PACRG: variants seen among roughly 807,000 people sequenced by gnomAD.
PACRG encodes parkin coregulated, also known as parkin coregulated gene protein.
In PACRG, 29 loss-of-function variants were observed where a neutral mutation model predicts 29.7. That is an observed-to-expected ratio of 0.98 (90% CI 0.73 to 1.33). The LOEUF (loss-of-function observed/expected upper bound fraction) is 1.33. Among genes scored for constraint, PACRG ranks in the 40% most tolerant of loss-of-function variants. The pLI, the probability that PACRG is intolerant of heterozygous loss-of-function variation, is 0.00. For synonymous variants in PACRG, 116 were observed against 118.7 expected, an observed-to-expected ratio of 0.98 and a Z score of 0.15; for missense variants, 279 against 316.2, an observed-to-expected ratio of 0.88 and a Z score of 0.89.
intron 4 of PACRG, among the ~76,000 whole-genome samples, chr6:163,185,456 G>T (rs1371662004): frequency 6.6e-6 from 1 of 152,076 alleles, no homozygotes; most frequent in Non-Finnish European, 1.5e-5. Context: ...AAATTAACAG[G>T]ACTTAAAGAT....
chr6:163,163,923 A>AC (rs35408111), intron 4 of PACRG, among the ~76,000 whole-genome samples: 14,906 of 152,156 alleles, frequency 0.098, 1,258 homozygotes, highest in East Asian at 0.47. Flanking sequence ...AATATATTTT[A>AC]CAGATAAATA....
intron 2 of PACRG, among the ~76,000 whole-genome samples, chr6:162,832,889 T>C (rs1422928575): frequency 6.6e-6 from 1 of 152,068 alleles, no homozygotes; most frequent in Non-Finnish European, 1.5e-5. Context: ...GATGTCTTCC[T>C]TTCTACTCAA....
intron 2 of PACRG, among the ~76,000 whole-genome samples, chr6:162,941,865 A>G (rs1208376259): frequency 6.6e-6 from 1 of 152,180 alleles, no homozygotes; most frequent in East Asian, 1.9e-4. Context: ...ATCAGTTTGA[A>G]CTTTAAAAGA....
intron 4 of PACRG, among the ~76,000 whole-genome samples, chr6:163,299,486 C>T (rs1784906584): frequency 6.6e-6 from 1 of 152,142 alleles, no homozygotes; most frequent in South Asian, 2.1e-4. Flanking sequence ...GTCCTCGAGG[C>T]CAGGAAGGTT....
At chr6:163,215,186 A>T (rs1248908583) in intron 4 of PACRG, among the ~76,000 whole-genome samples, 1 of 152,128 alleles carries the variant, frequency 6.6e-6, no homozygotes, top group Admixed American at 6.5e-5. Context: ...AATATTCAAG[A>T]TAATCATCTA....
intron 3 of PACRG, among the ~76,000 whole-genome samples, chr6:163,085,260 G>A (rs1016729830): frequency 1.3e-5 from 2 of 152,108 alleles, no homozygotes; most frequent in Admixed American, 1.3e-4. Context: ...ATTCTGTTCT[G>A]TGTCTAATCC....
At chr6:162,782,853 G>T (rs995059507) in intron 1 of PACRG, among the ~76,000 whole-genome samples, 1 of 151,768 alleles carries the variant, frequency 6.6e-6, no homozygotes, top group Non-Finnish European at 1.5e-5. Context: ...AACTTTAATG[G>T]TAATACTAAG....
intron 4 of PACRG, among the ~76,000 whole-genome samples, chr6:163,263,333 A>T (rs1049897453): frequency 6.6e-6 from 1 of 152,082 alleles, no homozygotes; most frequent in African/African-American, 2.4e-5. Flanking sequence ...TAGCTTGCTC[A>T]CAAGAGCTTC....
At chr6:163,217,349 C>T (rs554994816) in intron 4 of PACRG, among the ~76,000 whole-genome samples, 48 of 152,240 alleles carry the variant, frequency 3.2e-4, no homozygotes, top group Non-Finnish European at 5.9e-4. Flanking sequence ...TCTAGGCATA[C>T]GCCAGTCCCT....
intron 2 of PACRG, among the ~76,000 whole-genome samples, chr6:162,980,202 AT>A (rs1244160370): frequency 4.6e-5 from 7 of 151,806 alleles, no homozygotes; most frequent in Admixed American, 3.9e-4. Context: ...ACACACACAC[AT>A]TTTCAGTGTA....
chr6:162,929,079 A>T (rs1197531640), intron 2 of PACRG, among the ~76,000 whole-genome samples: 1 of 151,922 alleles, frequency 6.6e-6, no homozygotes, highest in Non-Finnish European at 1.5e-5. Context: ...AATAAACATG[A>T]CAATACAGAT....
chr6:162,941,008 G>A (rs79950704), intron 2 of PACRG, among the ~76,000 whole-genome samples: 14,310 of 151,314 alleles, frequency 0.095, 841 homozygotes, highest in Middle Eastern at 0.18. Flanking sequence ...GTGTGTTTGT[G>A]TGTGTGCGCG....
chr6:163,021,412 T>A (rs1262961425), intron 2 of PACRG, among the ~76,000 whole-genome samples: 1 of 152,176 alleles, frequency 6.6e-6, no homozygotes, highest in Admixed American at 6.5e-5. Flanking sequence ...CATTTCCTTC[T>A]GTTTCCTAAA....
chr6:163,247,123 T>C (rs1414795148), intron 4 of PACRG, among the ~76,000 whole-genome samples: 2 of 152,196 alleles, frequency 1.3e-5, no homozygotes, highest in Non-Finnish European at 2.9e-5. Context: ...GTATCCTTAC[T>C]TGAACCAAGA....
At chr6:163,239,435 C>T (rs1336970061) in intron 4 of PACRG, among the ~76,000 whole-genome samples, 1 of 152,114 alleles carries the variant, frequency 6.6e-6, no homozygotes, top group Non-Finnish European at 1.5e-5. Flanking sequence ...ACAATCTACA[C>T]TTCAACACTT....
intron 2 of PACRG, among the ~76,000 whole-genome samples, chr6:162,867,363 C>G (rs116482201): frequency 4.9e-4 from 74 of 152,224 alleles, no homozygotes; most frequent in African/African-American, 1.7e-3. Flanking sequence ...ATCCCTGTTG[C>G]CATTTCTCCC....
At chr6:163,024,004 C>G (rs1806883613) in intron 2 of PACRG, among the ~76,000 whole-genome samples, 1 of 152,130 alleles carries the variant, frequency 6.6e-6, no homozygotes. Flanking sequence ...AATATTCTCT[C>G]CCATTCTATA....
At chr6:163,045,796 A>G (rs559919183) in intron 2 of PACRG, among the ~76,000 whole-genome samples, 1 of 149,040 alleles carries the variant, frequency 6.7e-6, no homozygotes, top group South Asian at 2.1e-4. Context: ...TTGTATTTTT[A>G]GTAGAGACGG....
chr6:163,248,431 C>CAAAAAAA lies in PACRG; in HGVS notation c.614-66386_614-66380dup, dbSNP rs199676766. Among the ~76,000 whole-genome samples, 85 of 109,672 alleles carry CAAAAAAA rather than the reference C, an allele frequency of 7.8e-4. 1 individual carries two copies. Among genetic ancestry groups the CAAAAAAA allele is most frequent in the African/African-American group, 2.3e-3 (78 of 33,336 alleles). The allele number at this position is 109,672 out of a possible 152,430, so 71.9% of individuals were successfully genotyped here. A position where few individuals can be genotyped will look rare whatever the true frequency, so the allele number is the denominator to read the frequency against. ...GCAAGAGGGGAGTGCATATTTTATG[C>CAAAAAAA]AAAAAAAAAAAAAAAAGATTTTGTG... On this transcript the variant is annotated intron_variant, in intron 4 of 4. Transcript: ENST00000366888.
Sources: allele counts gnomAD v4.1 joint callset (sites outside exome capture counted in the v4.1 genomes callset), GRCh38; gene constraint gnomAD v4.1.1; transcripts MANE v1.5; gene names NCBI Gene and HGNC (gene_info 2026-07-23, HGNC 2026-07-21).